ASCC3: variants seen among roughly 807,000 people sequenced by gnomAD.
ASCC3 encodes ASC-1 complex subunit P200.
A neutral mutation model predicts 256.3 loss-of-function variants in ASCC3; 158 were observed. The observed-to-expected ratio is 0.62, with a 90% confidence interval of 0.54 to 0.70. ASCC3 has a LOEUF of 0.70. ASCC3 is among the 30% of genes least tolerant of loss of function. The probability of loss-of-function intolerance (pLI) is 0.00; values close to 1 mark genes in which losing one functional copy is unlikely to be tolerated. For synonymous variants in ASCC3, 948 were observed against 883.4 expected (o/e 1.07, Z -1.30); for missense variants, 2,259 against 2,626.0 (o/e 0.86, Z 3.05).
intron 36 of ASCC3, among the ~76,000 whole-genome samples, chr6:100,564,040 T>C (rs1582455720): frequency 6.6e-6 from 1 of 152,042 alleles, no homozygotes; most frequent in East Asian, 1.9e-4. Context: ...CCCATCTTCT[T>C]TTTTTAATAT....
At chr6:100,743,531 A>C (rs1780530356) in intron 10 of ASCC3, among the ~76,000 whole-genome samples, 1 of 152,118 alleles carries the variant, frequency 6.6e-6, no homozygotes, top group South Asian at 2.1e-4. Flanking sequence ...CTTATCTCCC[A>C]TAAGGCAACA....
intron 13 of ASCC3, among the ~76,000 whole-genome samples, chr6:100,696,284 G>T (rs1324596245): frequency 6.6e-6 from 1 of 151,968 alleles, no homozygotes; most frequent in Non-Finnish European, 1.5e-5. Flanking sequence ...TACAGATAAA[G>T]ACAGTACAAA....
At chr6:100,835,527 T>C (rs1257757465) in intron 4 of ASCC3, among the ~76,000 whole-genome samples, 1 of 152,194 alleles carries the variant, frequency 6.6e-6, no homozygotes, top group African/African-American at 2.4e-5. Flanking sequence ...TTGAAGACAC[T>C]GTCCTTTATC....
chr6:100,661,005 C>T (rs1401626625), intron 16 of ASCC3, among the ~76,000 whole-genome samples: 1 of 151,574 alleles, frequency 6.6e-6, no homozygotes, highest in African/African-American at 2.4e-5. Flanking sequence ...TGTATAAGCT[C>T]TTTAAGAAGT....
intron 30 of ASCC3, among the ~76,000 whole-genome samples, chr6:100,620,142 C>T (rs1773874320): frequency 2.0e-5 from 3 of 152,226 alleles, no homozygotes; most frequent in South Asian, 4.1e-4. Context: ...AAGGGAGATT[C>T]CTTTTTTCTG....
chr6:100,608,160 T>TATGTATATATATTTA (rs1582549578), intron 30 of ASCC3, among the ~76,000 whole-genome samples: 4 of 15,368 alleles, frequency 2.6e-4, no homozygotes, highest in Non-Finnish European at 5.9e-4. Flanking sequence ...ATATACATAT[T>TATGTATATATATTTA]TATATACATA....
At chr6:100,655,565 T>C (rs1775874666) in intron 17 of ASCC3, 134 bp downstream of exon 17, 1 of 1,034,420 alleles carries the variant, frequency 9.7e-7, no homozygotes, top group Non-Finnish European at 1.4e-6. Context: ...TTTTGAAAAA[T>C]ATTAAATCTC....
chr6:100,731,042 A>T (rs146147491), intron 10 of ASCC3, among the ~76,000 whole-genome samples: 3 of 152,294 alleles, frequency 2.0e-5, no homozygotes, highest in African/African-American at 7.2e-5. Flanking sequence ...TGTCACCTGA[A>T]ATGTATCTCG....
intron 34 of ASCC3, among the ~76,000 whole-genome samples, chr6:100,596,171 T>C (rs772509150): frequency 5.5e-4 from 84 of 152,264 alleles, no homozygotes; most frequent in Non-Finnish European, 9.1e-4. Flanking sequence ...ATTGCTTATT[T>C]CTGGTTTTAT....
chr6:100,511,023 T>TA (rs1437743732), intron 40 of ASCC3, among the ~76,000 whole-genome samples: 6 of 152,322 alleles, frequency 3.9e-5, no homozygotes, highest in African/African-American at 4.8e-5. Context: ...AATATTAAGG[T>TA]AAAAAAATCA....
At chr6:100,868,210 T>C (rs1773570725) in intron 1 of ASCC3, among the ~76,000 whole-genome samples, 172 bp from the exon 2 acceptor site, 1 of 152,220 alleles carries the variant, frequency 6.6e-6, no homozygotes, top group African/African-American at 2.4e-5. Flanking sequence ...TTTTTTGTTT[T>C]TAAAAAGCAT....
At chr6:100,773,451 A>G (rs2115149102) in intron 8 of ASCC3, among the ~76,000 whole-genome samples, 1 of 152,268 alleles carries the variant, frequency 6.6e-6, no homozygotes, top group South Asian at 2.1e-4. Flanking sequence ...TTACCATTCA[A>G]GTTTAAGCTC....
intron 10 of ASCC3, among the ~76,000 whole-genome samples, chr6:100,735,397 G>T (rs530001255): frequency 2.0e-5 from 3 of 152,176 alleles, no homozygotes; most frequent in East Asian, 3.9e-4. Context: ...TTTATTATGA[G>T]AAAACAGCTT....
chr6:100,584,782 G>A lies in ASCC3; in HGVS notation c.5550+4852C>T, dbSNP rs540354794. Among the ~76,000 whole-genome samples, 6 of 152,034 alleles carry A rather than the reference G, an allele frequency of 3.9e-5. No individual in the cohort carries two copies. The East Asian group carries it at 1.2e-3, about 29-fold the overall frequency. On this transcript the variant is annotated intron_variant, in intron 36 of 41. Coordinates refer to ENST00000369162, the MANE Select transcript of ASCC3 (RefSeq NM_006828.4). ...GAGCTCTTGTAGGGCAGGGCTGGTG[G>A]TGACAAAATCTCTCAGCATTTGCTT...
chr6:100,843,422 C>G (rs148763178), intron 4 of ASCC3, among the ~76,000 whole-genome samples: 38 of 152,216 alleles, frequency 2.5e-4, no homozygotes, highest in Non-Finnish European at 5.1e-4. Flanking sequence ...AAAGAAGCAG[C>G]CCATCTGCAC....
At chr6:100,653,510 C>T (rs1309537429) in intron 17 of ASCC3, among the ~76,000 whole-genome samples, 2 of 151,614 alleles carry the variant, frequency 1.3e-5, no homozygotes, top group South Asian at 2.1e-4. Context: ...TGGTGGTGCG[C>T]GCCTGTAATC....
intron 25 of ASCC3, among the ~76,000 whole-genome samples, chr6:100,634,229 T>C (rs1441143481): frequency 6.6e-6 from 1 of 152,180 alleles, no homozygotes; most frequent in Non-Finnish European, 1.5e-5. Context: ...ATCTCAAACA[T>C]TTATCATTTC....
intron 13 of ASCC3, among the ~76,000 whole-genome samples, chr6:100,690,932 T>C (rs879561739): frequency 7.2e-5 from 11 of 152,302 alleles, no homozygotes; most frequent in Admixed American, 7.2e-4. Flanking sequence ...CTACTCTGAA[T>C]GTGAAACATT....
chr6:100,617,654 C>T (rs974828634), intron 30 of ASCC3, among the ~76,000 whole-genome samples: 3 of 152,126 alleles, frequency 2.0e-5, no homozygotes, highest in African/African-American at 7.2e-5. Context: ...AATGATAAAC[C>T]CCATGGGTGT....
Sources: allele counts gnomAD v4.1 joint callset (sites outside exome capture counted in the v4.1 genomes callset), GRCh38; gene constraint gnomAD v4.1.1; transcripts MANE v1.5; gene names NCBI Gene and HGNC (gene_info 2026-07-23, HGNC 2026-07-21).